Variants in SCAP observed in about 807,000 individuals in gnomAD.
SCAP encodes the protein SREBF chaperone, also known as sterol regulatory element-binding protein cleavage-activating protein.
Under a neutral mutation model 123.6 loss-of-function variants are expected in SCAP, and 65 were observed. That is an observed-to-expected ratio of 0.53 (90% confidence interval 0.43 to 0.65). The LOEUF (loss-of-function observed/expected upper bound fraction) is 0.65, where lower values mean the gene tolerates loss of function less well. SCAP is among the 30% of genes least tolerant of loss of function. The pLI is 0.00. For missense variants in SCAP, 1,398 were observed against 1,712.5 expected (o/e 0.82, Z 3.24); for synonymous variants, 740 against 726.3 (o/e 1.02, Z -0.30).
rs1221184657 is a variant in SCAP at position 47,422,553 on chromosome 3, C to T, written c.1151-17G>A. ...TGCTTAGGCCTGCAGAGGGCAGCAA[C>T]AGGGCACAGGGCAACACATGGCCAC... On this transcript the variant is annotated splice_polypyrimidine_tract_variant and intron_variant, in intron 9 of 22. Transcript: ENST00000265565. 6 of 1,595,168 alleles carry T rather than the reference C, an allele frequency of 3.8e-6. No individual in the cohort carries two copies. The highest frequency in any genetic ancestry group is 5.1e-6 in the Non-Finnish European group (6 of 1,165,998).
rs1705714182 is a variant in SCAP at position 47,418,134 on chromosome 3, C to T, written c.2447G>A (p.Gly816Asp). The change falls in exon 16 of 23, where the codon GGC (glycine) becomes GAC (aspartate). Residue 816 changes from glycine (G) to aspartate (D), a missense_variant and splice_region_variant. Gly to Asp is a moderately conservative substitution (Grantham distance 94). Coordinates refer to ENST00000265565, the MANE Select transcript of SCAP (RefSeq NM_012235.4). ...AGGAGGAAAGGGCAGCCGCACCTAC[C>T]CTGGGCGCGGAATGCGCGTTAGGCA... is the stretch of plus-strand genomic sequence containing the variant. Reference protein sequence around the residue: ...GDCLTRIPRPGRQRRDSGVGS... With the variant: ...GDCLTRIPRPDRQRRDSGVGS... The T allele has an allele frequency of 1.3e-6, 2 of 1,554,726 alleles. No individual in the cohort carries two copies. The highest frequency in any genetic ancestry group is 1.9e-5 in the Admixed American group (1 of 51,828).
intron 9 of SCAP, among the ~76,000 whole-genome samples, chr3:47,423,346 G>A (rs1205995346): frequency 6.6e-6 from 1 of 152,236 alleles, no homozygotes; most frequent in Non-Finnish European, 1.5e-5. Flanking sequence ...CCCGGGGCTT[G>A]GGCCTAGTGT....
chr3:47,443,272 ACACACT>A lies in SCAP; in HGVS notation c.-98-187_-98-182del, dbSNP rs1396477157. ...CACACACACACACACACACACACAC[ACACACT>A]CTCTCTCTCTCTCTCTCTCTCTCTC... On this transcript the variant is annotated intron_variant, in intron 1 of 22. Transcript: ENST00000265565. 890 of 104,194 alleles carry A rather than the reference ACACACT, an allele frequency of 8.5e-3. 1 individual carries two copies. Among genetic ancestry groups the A allele is most frequent in the African/African-American group, 0.039 (588 of 15,128 alleles). The allele number at this position is 104,194 out of a possible 1,614,324, so 6.5% of individuals were successfully genotyped here. A position where few individuals can be genotyped will look rare whatever the true frequency, so the allele number is the denominator to read the frequency against.
chr3:47,458,450 A>T (rs977242278), intron 1 of SCAP, among the ~76,000 whole-genome samples: 1 of 152,214 alleles, frequency 6.6e-6, no homozygotes, highest in African/African-American at 2.4e-5. Flanking sequence ...TAATAATTAA[A>T]TAGTATTGAA....
chr3:47,476,024 G>A (rs963359353), upstream of SCAP: 4 of 152,324 alleles, frequency 2.6e-5, no homozygotes, highest in African/African-American at 9.6e-5. Flanking sequence ...CGCATGCGTA[G>A]TCGAACCACA....
chr3:47,414,058 G>C lies in SCAP; in HGVS notation c.3636C>G (p.Asn1212Lys). 1 of 1,613,368 alleles carries C rather than the reference G, an allele frequency of 6.2e-7. No homozygotes were observed. ...AGCCCTGGCCGCCAGTCACCAGCAG[G>C]TTGTCTGAGATGACACCCAAGCTTG... ...CGASLGVISD[N>K]LLVTGGQGCV... The change falls in exon 23 of 23, where the codon AAC becomes AAG. Residue 1212 changes from asparagine to lysine, a missense_variant. Coordinates refer to ENST00000265565, the MANE Select transcript of SCAP (RefSeq NM_012235.4).
intron 2 of SCAP, among the ~76,000 whole-genome samples, chr3:47,438,614 G>C (rs968890357): frequency 4.6e-5 from 7 of 152,064 alleles, no homozygotes; most frequent in African/African-American, 1.7e-4. Flanking sequence ...AGGAGTTCAA[G>C]ACCAGCCTGG....
intron 1 of SCAP, among the ~76,000 whole-genome samples, chr3:47,452,193 T>G (rs1399041329): frequency 6.6e-6 from 1 of 152,240 alleles, no homozygotes; most frequent in Non-Finnish European, 1.5e-5. Flanking sequence ...GTCAAGACTA[T>G]AAATAAACTC....
chr3:47,471,258 T>G (rs181716915), intron 1 of SCAP, among the ~76,000 whole-genome samples: 1 of 152,032 alleles, frequency 6.6e-6, no homozygotes, highest in East Asian at 1.9e-4. Context: ...TAAAATAAAA[T>G]AAGAATAAGA....
chr3:47,419,255 C>T lies in SCAP; in HGVS notation c.1940+73G>A. On this transcript the variant is annotated intron_variant, in intron 13 of 22. Coordinates refer to ENST00000265565, the MANE Select transcript of SCAP (RefSeq NM_012235.4). This position sits in a 1 kb window ranked among gnomAD's most constrained non-coding sequence, Gnocchi z 5.0. ...ATTTGCATAATTCAAACCTGTGGGC[C>T]TCCTGCATTGGGGAAAGGGGATGGT... 1 of 1,522,174 alleles carries T rather than the reference C, an allele frequency of 6.6e-7. No homozygotes were observed. The allele number at this position is 1,522,174 out of a possible 1,614,324, so 94.3% of individuals were successfully genotyped here. A position where few individuals can be genotyped will look rare whatever the true frequency, so the allele number is the denominator to read the frequency against.
In SCAP at chr3:47,420,747, G is replaced by A; in HGVS notation, c.1370C>T (p.Pro457Leu). The stretch of plus-strand genomic sequence containing the variant: ...GGCTGAGGGCAGGCAGGCCTCAGGG[G>A]GCAGTCGCTTGTTCAGGTCTGCTAG... ...MELADLNKRL[P>L]PEACLPSAKP... The change falls in exon 12 of 23, where the codon CCC (proline) becomes CTC (leucine). Residue 457 changes from proline (P) to leucine (L), a missense_variant. By Grantham distance (98) the Pro-to-Leu change is moderately conservative. Coordinates refer to ENST00000265565, the MANE Select transcript of SCAP (RefSeq NM_012235.4). This position sits in a 1 kb window ranked among gnomAD's most constrained non-coding sequence, Gnocchi z 5.0. 4 of 1,610,812 alleles carry A rather than the reference G, an allele frequency of 2.5e-6. No homozygotes were observed. The highest frequency in any genetic ancestry group is 3.4e-6 in the Non-Finnish European group (4 of 1,179,912).
rs1321204789 is a variant in SCAP at position 47,418,743 on chromosome 3, G to C, written c.2041C>G (p.Pro681Ala). 6 of 1,598,550 alleles carry C rather than the reference G, an allele frequency of 3.8e-6. No homozygotes were observed. Among genetic ancestry groups the C allele is most frequent in the African/African-American group, 1.3e-5 (1 of 74,374 alleles). Residue 681 changes from proline to alanine, a missense_variant, in exon 14 of 23, where the codon CCA becomes GCA. Around this residue, in one of 7 missense-constraint regions of SCAP, gnomAD observed 828 missense variants for 882.5 expected, o/e 0.94. Coordinates refer to ENST00000265565, the MANE Select transcript of SCAP (RefSeq NM_012235.4). ...TGCCCAGCAGGTATGGGCCCCGGTGGGGGCCAGGCACTGCGGCCGTCCTGA... is the reference window on the plus strand; with the variant it reads ...TGCCCAGCAGGTATGGGCCCCGGTGCGGGCCAGGCACTGCGGCCGTCCTGA... ...HPQDGRSAWPPPGPIPAGHWE... is the reference protein window; with the variant it reads ...HPQDGRSAWPAPGPIPAGHWE...
In SCAP at chr3:47,442,950, A is replaced by T; in HGVS notation, c.44T>A (p.Phe15Tyr). Residue 15 changes from phenylalanine to tyrosine, a missense_variant, in exon 2 of 23, where the codon TTC becomes TAC. By Grantham distance (22) the Phe-to-Tyr change is conservative. This residue lies in a region of SCAP where 319 missense variants were observed against 432.4 expected (regional missense o/e 0.74). Coordinates refer to ENST00000265565, the MANE Select transcript of SCAP (RefSeq NM_012235.4). ...TGCACAGAGGAGCCCATGGTTGTAGAAGGCCCGAGATATCTTCTCACGCAG... is the reference window on the plus strand; with the variant it reads ...TGCACAGAGGAGCCCATGGTTGTAGTAGGCCCGAGATATCTTCTCACGCAG... ...ERLREKISRAFYNHGLLCASY... is the reference protein window; with the variant it reads ...ERLREKISRAYYNHGLLCASY... The T allele has an allele frequency of 6.2e-7, 1 of 1,614,176 alleles. No individual in the cohort carries two copies. The highest frequency in any genetic ancestry group is 8.5e-7 in the Non-Finnish European group (1 of 1,180,028).
In SCAP at chr3:47,447,801, G is replaced by A. The variant is rs138180647; in HGVS notation, c.-98-4710C>T. On this transcript the variant is annotated intron_variant, in intron 1 of 22. Coordinates refer to ENST00000265565, the MANE Select transcript of SCAP (RefSeq NM_012235.4). ...GCAGGCAGATCTCCTGAGGTCAGGAGTTCAAGACCAGCCTGGCCAACACAG... is the reference window on the plus strand; with the variant it reads ...GCAGGCAGATCTCCTGAGGTCAGGAATTCAAGACCAGCCTGGCCAACACAG... 1.2e-4 allele frequency among the ~76,000 whole-genome samples: 19 copies of A among 152,120 alleles called. No homozygotes were observed. The East Asian group carries it at 3.7e-3, about 29-fold the overall frequency.
At position 47,417,131 on chromosome 3, in the gene SCAP, A is replaced by G; in HGVS notation, c.3047T>C (p.Leu1016Ser). The change falls in exon 18 of 23, where the codon TTG (leucine) becomes TCG (serine). Residue 1016 changes from leucine to serine, a missense_variant. Transcript: ENST00000265565. ...VSSGITALVF[L>S]DKRIVAARLN... is the part of the protein sequence containing the mutation. ...GGCAGGCCACGCTCACCTTTTGTCC[A>G]AGAACACCAGAGCGGTAATGCCTGA... 1 of 1,613,054 alleles carries G rather than the reference A, an allele frequency of 6.2e-7. No individual in the cohort carries two copies. The highest frequency in any genetic ancestry group is 8.5e-7 in the Non-Finnish European group (1 of 1,179,984).
chr3:47,429,195 C>T (rs1490560939), intron 3 of SCAP, among the ~76,000 whole-genome samples: 3 of 152,294 alleles, frequency 2.0e-5, no homozygotes, highest in African/African-American at 7.2e-5. Context: ...AGGGAGTCAA[C>T]CTTCAATATA....
chr3:47,475,061 G>T (rs951329392), intron 1 of SCAP, among the ~76,000 whole-genome samples: 1 of 152,180 alleles, frequency 6.6e-6, no homozygotes, highest in Non-Finnish European at 1.5e-5. Context: ...TCCCCAGAAA[G>T]AGTTTATTCA....
chr3:47,440,575 A>G (rs1165394823), intron 2 of SCAP, among the ~76,000 whole-genome samples: 1 of 152,222 alleles, frequency 6.6e-6, no homozygotes, highest in Non-Finnish European at 1.5e-5. Flanking sequence ...AGCACTAAGA[A>G]TGTGACAGTA....
At chr3:47,438,580 G>GA (rs1457736237) in intron 2 of SCAP, among the ~76,000 whole-genome samples, 3 of 152,268 alleles carry the variant, frequency 2.0e-5, no homozygotes, top group Admixed American at 2.0e-4. Flanking sequence ...TTGGGAGGCC[G>GA]AGGTGGGTGG....
Sources: allele counts gnomAD v4.1 joint callset (sites outside exome capture counted in the v4.1 genomes callset), GRCh38; gene constraint gnomAD v4.1.1; regional missense constraint gnomAD v4.1.1; non-coding constraint Gnocchi (gnomAD v3.1); transcripts MANE v1.5; gene names NCBI Gene and HGNC (gene_info 2026-07-23, HGNC 2026-07-21).